GRAP2: variants seen among roughly 807,000 people sequenced by gnomAD.
The protein encoded by GRAP2 is GRB2-related adapter protein 2.
GRAP2 carries 31 observed loss-of-function variants against 43.5 expected under a neutral mutation model. The ratio of observed to expected loss-of-function variants is 0.71; its 90% CI spans 0.54 to 0.96. The LOEUF is 0.96. GRAP2 is among the 40% of genes least tolerant of loss of function. The probability of loss-of-function intolerance (pLI) is 0.00; values close to 1 mark genes in which losing one functional copy is unlikely to be tolerated. For missense variants in GRAP2, 371 were observed against 424.4 expected (o/e 0.87, Z 1.11); for synonymous variants, 156 against 164.8 (o/e 0.95, Z 0.41).
chr22:39,936,135 A>G (rs1001728787), intron 1 of GRAP2, among the ~76,000 whole-genome samples: 25 of 152,236 alleles, frequency 1.6e-4, no homozygotes, highest in Admixed American at 1.6e-3. Flanking sequence ...AAGCCTGGAG[A>G]TTTGTAAAAT....
intron 1 of GRAP2, among the ~76,000 whole-genome samples, chr22:39,914,244 C>T (rs1339621623): frequency 1.3e-5 from 2 of 152,154 alleles, no homozygotes; most frequent in Admixed American, 6.5e-5. Flanking sequence ...TCTCTCTCCT[C>T]TCTCTCCAAG....
chr22:39,959,718 C>A (rs988546702), intron 3 of GRAP2, among the ~76,000 whole-genome samples: 1 of 152,186 alleles, frequency 6.6e-6, no homozygotes, highest in South Asian at 2.1e-4. Context: ...TCTATCTCTT[C>A]CGCAGCTGCC....
At chr22:39,923,078 G>A (rs577581450) in intron 1 of GRAP2, among the ~76,000 whole-genome samples, 1 of 151,896 alleles carries the variant, frequency 6.6e-6, no homozygotes, top group South Asian at 2.1e-4. Context: ...TTAAAATATA[G>A]TGTTTAGAGA....
intron 1 of GRAP2, among the ~76,000 whole-genome samples, chr22:39,923,721 AAC>A (rs1412104305): frequency 1.3e-5 from 2 of 152,240 alleles, no homozygotes; most frequent in African/African-American, 4.8e-5. Flanking sequence ...CTGGACTTAA[AAC>A]AGTTTTTACA....
chr22:39,965,831 G>A (rs1333795658), intron 4 of GRAP2, among the ~76,000 whole-genome samples, 159 bp from the exon 5 acceptor site: 7 of 152,168 alleles, frequency 4.6e-5, no homozygotes, highest in East Asian at 3.8e-4. Flanking sequence ...AGTTCCTGCC[G>A]AAGCCTGACT....
intron 1 of GRAP2, among the ~76,000 whole-genome samples, chr22:39,919,020 G>A (rs1199868966): frequency 2.0e-5 from 3 of 152,160 alleles, no homozygotes; most frequent in Non-Finnish European, 4.4e-5. Context: ...ACTCATGCCT[G>A]TAATCCCAGC....
chr22:39,903,874 G>A (rs138398720), intron 1 of GRAP2, among the ~76,000 whole-genome samples: 2 of 152,036 alleles, frequency 1.3e-5, no homozygotes, highest in East Asian at 1.9e-4. Flanking sequence ...TATATGCCAG[G>A]CCTGGCACTA....
intron 1 of GRAP2, among the ~76,000 whole-genome samples, chr22:39,937,904 A>C (rs1041357120): frequency 2.0e-5 from 3 of 152,186 alleles, no homozygotes; most frequent in African/African-American, 7.2e-5. Context: ...GAACATATAC[A>C]TTATACTTAA....
Position 39,968,031 on chromosome 22 carries a change from C to T in GRAP2, c.460-11C>T, listed in dbSNP as rs756366697. 1.9e-6 allele frequency: 3 copies of T among 1,609,814 alleles called. No homozygotes were observed. Among genetic ancestry groups the T allele is most frequent in the Non-Finnish European group, 2.5e-6 (3 of 1,177,176 alleles). ...AGGATGCATCTGCAGCATCTCTGTTCTTTCTCCCAGGGTCACCGGGGCAAC... is the reference window on the plus strand; with the variant it reads ...AGGATGCATCTGCAGCATCTCTGTTTTTTCTCCCAGGGTCACCGGGGCAAC... On this transcript the variant is annotated splice_polypyrimidine_tract_variant and intron_variant, in intron 5 of 7. Transcript: ENST00000344138.
chr22:39,912,329 G>A (rs1475514273), intron 1 of GRAP2, among the ~76,000 whole-genome samples: 2 of 152,162 alleles, frequency 1.3e-5, no homozygotes, highest in African/African-American at 4.8e-5. Flanking sequence ...GAGGCAGGAG[G>A]ATCACTTGAG....
intron 6 of GRAP2, 189 bp downstream of exon 6, chr22:39,968,461 ACACACACACACACACACACTGTCT>A (rs1307283516): frequency 2.2e-5 from 3 of 138,776 alleles, no homozygotes; most frequent in South Asian, 6.5e-5. Context: ...CCACCTGAAC[ACACACACACACACACACACTGTCT>A]CACACACACA....
intron 4 of GRAP2, chr22:39,964,647 C>A (rs1482880422): frequency 3.4e-6 from 2 of 580,078 alleles, no homozygotes; most frequent in East Asian, 5.7e-5. Flanking sequence ...CCTATAATAT[C>A]TTTTGCCACC....
In GRAP2 at chr22:39,972,159, A is replaced by G. The variant is rs1034349573; in HGVS notation, c.*1075A>G. 2 of 152,522 alleles carry G rather than the reference A, an allele frequency of 1.3e-5. No individual in the cohort carries two copies. The highest frequency in any genetic ancestry group is 4.8e-5 in the African/African-American group (2 of 41,480). The allele number at this position is 152,522 out of a possible 1,614,324, so 9.4% of individuals were successfully genotyped here. A position where few individuals can be genotyped will look rare whatever the true frequency, so the allele number is the denominator to read the frequency against. On this transcript the variant is annotated 3_prime_UTR_variant, in exon 8 of 8. Transcript: ENST00000344138. ...GCTGCCCAAGAGTTGCACCTGGAGC[A>G]AGGAACCCCACCATGGCTGTCGCTC...
At chr22:39,910,752 A>C (rs1400636531) in intron 1 of GRAP2, among the ~76,000 whole-genome samples, 6 of 152,012 alleles carry the variant, frequency 3.9e-5, no homozygotes, top group Non-Finnish European at 2.9e-5. Context: ...AAAAAAAAAA[A>C]AAAACCCTAG....
intron 5 of GRAP2, among the ~76,000 whole-genome samples, chr22:39,966,523 C>T (rs2067176260): frequency 6.6e-6 from 1 of 152,160 alleles, no homozygotes; most frequent in South Asian, 2.1e-4. Context: ...GACATTGCTA[C>T]ACCAAAGTTT....
chr22:39,944,067 A>G (rs368358641), intron 1 of GRAP2, among the ~76,000 whole-genome samples: 3 of 152,114 alleles, frequency 2.0e-5, no homozygotes, highest in Non-Finnish European at 2.9e-5. Flanking sequence ...AGAAGGCTTC[A>G]TTGCATTCTT....
chr22:39,934,559 G>C (rs760074070), intron 1 of GRAP2, among the ~76,000 whole-genome samples: 12 of 152,182 alleles, frequency 7.9e-5, no homozygotes, highest in Admixed American at 1.3e-4. Flanking sequence ...TTGGCCAAAG[G>C]GGGAGAACAA....
intron 1 of GRAP2, among the ~76,000 whole-genome samples, chr22:39,911,362 A>G (rs1486298774): frequency 1.9e-4 from 29 of 152,030 alleles, no homozygotes; most frequent in African/African-American, 7.0e-4. Context: ...ACTCATTTAA[A>G]ATGACTCTCT....
At chr22:39,896,817 C>T (rs909061589), upstream of GRAP2, among the ~76,000 whole-genome samples, 1 of 152,182 alleles carries the variant, frequency 6.6e-6, no homozygotes, top group African/African-American at 2.4e-5. Flanking sequence ...AATACCGTAA[C>T]ATCCACTAAA....
Sources: allele counts gnomAD v4.1 joint callset (sites outside exome capture counted in the v4.1 genomes callset), GRCh38; gene constraint gnomAD v4.1.1; transcripts MANE v1.5; gene names NCBI Gene and HGNC (gene_info 2026-07-23, HGNC 2026-07-21).